Variants in COL9A2 observed in about 807,000 individuals in gnomAD.
COL9A2 encodes the protein collagen alpha-2(IX) chain.
COL9A2 carries 66 observed loss-of-function variants against 111.6 expected under a neutral mutation model. The ratio of observed to expected loss-of-function variants is 0.59; its 90% confidence interval spans 0.48 to 0.73. The LOEUF (loss-of-function observed/expected upper bound fraction) is 0.73. Among genes scored for constraint, COL9A2 ranks in the 30% least tolerant of loss-of-function variants. The pLI, the probability that COL9A2 is intolerant of heterozygous loss-of-function variation, is 0.00. For missense variants in COL9A2, 881 were observed against 954.1 expected (o/e 0.92, Z 1.01); for synonymous variants, 353 against 364.1 (o/e 0.97, Z 0.35).
At position 40,314,320 on chromosome 1, in the gene COL9A2, G is replaced by A; in HGVS notation, c.186+32C>T. On this transcript the variant is annotated intron_variant, in intron 3 of 31. Coordinates refer to ENST00000372748, the MANE Select transcript of COL9A2 (RefSeq NM_001852.4). This position sits in a 1 kb window ranked among gnomAD's most constrained non-coding sequence, Gnocchi z 4.1. ...AGCCAGAGGAGGGCAAGAGCAGGAAGGGTCAAAGGCCAAAGAGGATAAAGC... is the reference window on the plus strand; with the variant it reads ...AGCCAGAGGAGGGCAAGAGCAGGAAAGGTCAAAGGCCAAAGAGGATAAAGC... 1.2e-6 allele frequency: 2 copies of A among 1,614,242 alleles called. No individual in the cohort carries two copies. The highest frequency in any genetic ancestry group is 1.3e-5 in the African/African-American group (1 of 75,054).
Position 40,312,084 on chromosome 1 carries a change from C to G in COL9A2, c.392G>C (p.Gly131Ala). The G allele has an allele frequency of 6.2e-7, 1 of 1,602,256 alleles. No individual in the cohort carries two copies. The highest frequency in any genetic ancestry group is 8.5e-7 in the Non-Finnish European group (1 of 1,176,070). ...CTTGGGGCCTCGGATTCCAATCTCA[C>G]CAGGGAGGCCAACAGGTCCAGGAGG... ...PGPPGPVGLPGEIGIRGPKGD... is the reference protein window; with the variant it reads ...PGPPGPVGLPAEIGIRGPKGD... Residue 131 changes from glycine (G) to alanine (A), a missense_variant, in exon 8 of 32, where the codon GGT becomes GCT. Transcript: ENST00000372748. This position sits in a 1 kb window ranked among gnomAD's most constrained non-coding sequence, Gnocchi z 6.0.
chr1:40,304,092 G>T lies in COL9A2; in HGVS notation c.1295C>A (p.Pro432Gln). 6.4e-7 allele frequency: 1 copy of T among 1,565,172 alleles called. No homozygotes were observed. The highest frequency in any genetic ancestry group is 2.3e-5 in the East Asian group (1 of 42,908). Residue 432 changes from proline (P) to glutamine (Q), a missense_variant, in exon 25 of 32, where the codon CCA (proline) becomes CAA (glutamine). Transcript: ENST00000372748. The part of the protein sequence containing the change: ...LPGVKGDKGS[P>Q]GKTGPRGKVG... Reference sequence around the variant, plus strand: ...TTTGCCGCGGGGCCCGGTCTTCCCTGGGGAGCCCTGGAGAAAGCGGGCAGT... The same window carrying T: ...TTTGCCGCGGGGCCCGGTCTTCCCTTGGGAGCCCTGGAGAAAGCGGGCAGT...
intron 2 of COL9A2, chr1:40,315,143 C>T: frequency 1.1e-6 from 1 of 869,816 alleles, no homozygotes; most frequent in Non-Finnish European, 1.4e-6. Flanking sequence ...GGGAACAAGC[C>T]CAGCTGATTC....
Position 40,312,000 on chromosome 1 carries a change from G to A in COL9A2, c.417+59C>T. 1 of 1,532,936 alleles carries A rather than the reference G, an allele frequency of 6.5e-7. No individual in the cohort carries two copies. The highest frequency in any genetic ancestry group is 8.9e-7 in the Non-Finnish European group (1 of 1,122,272). The allele number at this position is 1,532,936 out of a possible 1,614,324, so 95.0% of individuals were successfully genotyped here. A position where few individuals can be genotyped will look rare whatever the true frequency, so the allele number is the denominator to read the frequency against. On this transcript the variant is annotated intron_variant, in intron 8 of 31. Transcript: ENST00000372748. This position sits in a 1 kb window ranked among gnomAD's most constrained non-coding sequence, Gnocchi z 5.1. ...CAGGAACTTCCAGAAAGACCACCCA[G>A]CTTGCCAGCTTGGAGATAGAAGGCA...
intron 4 of COL9A2, among the ~76,000 whole-genome samples, chr1:40,313,245 T>A (rs1644160577): frequency 6.6e-6 from 1 of 152,138 alleles, no homozygotes; most frequent in Non-Finnish European, 1.5e-5. Flanking sequence ...CTCAGCTCAC[T>A]GCAACCCCCG....
At position 40,312,134 on chromosome 1, in the gene COL9A2, G is replaced by A. The variant is rs769607970; in HGVS notation, c.364-22C>T. 7 of 1,593,602 alleles carry A rather than the reference G, an allele frequency of 4.4e-6. No individual in the cohort carries two copies. The highest frequency in any genetic ancestry group is 5.1e-6 in the Non-Finnish European group (6 of 1,170,720). The stretch of plus-strand genomic sequence containing the variant: ...GCCCCTGGGGAGCAGAGAGTTGATG[G>A]TCAGGATGCCTCAGAGGGTCAGATA... On this transcript the variant is annotated intron_variant, in intron 7 of 31. Transcript: ENST00000372748. This position sits in a 1 kb window ranked among gnomAD's most constrained non-coding sequence, Gnocchi z 6.0.
intron 21 of COL9A2, 107 bp from the exon 22 acceptor site, chr1:40,304,954 G>A (rs1644001141): frequency 1.0e-6 from 1 of 955,770 alleles, no homozygotes; most frequent in Non-Finnish European, 1.6e-6. Context: ...TGCTTCATCA[G>A]GGAAGGTTTC....
In COL9A2 at chr1:40,312,729, A is replaced by C. The variant is rs764175791; in HGVS notation, c.303+2T>G. 13 of 1,555,850 alleles carry C rather than the reference A, an allele frequency of 8.4e-6. No individual in the cohort carries two copies. The highest frequency in any genetic ancestry group is 1.0e-5 in the Non-Finnish European group (12 of 1,149,002). ...ACGCTGAGGCCCCAGCAGGCCCCTT[A>C]CCTTGACTCCAGGGATCCCCATGGG... is the stretch of plus-strand genomic sequence containing the variant. On this transcript the variant is annotated splice_donor_variant, in intron 5 of 31. Coordinates refer to ENST00000372748, the MANE Select transcript of COL9A2 (RefSeq NM_001852.4). LOFTEE classifies it high-confidence loss of function. This position sits in a 1 kb window ranked among gnomAD's most constrained non-coding sequence, Gnocchi z 6.0.
Position 40,303,598 on chromosome 1 carries a change from G to T in COL9A2, c.1480C>A (p.Pro494Thr), listed in dbSNP as rs202143849. The change falls in exon 28 of 32, where the codon CCC becomes ACC. Residue 494 changes from proline (P) to threonine (T), a missense_variant. Physicochemically the swap from Pro to Thr is conservative, Grantham distance 38. Transcript: ENST00000372748. The surrounding 1 kb of genome is among the most constrained non-coding windows in gnomAD (Gnocchi z 4.6). ...GAPGVQGYPGPPGPRGLAGNR... is the reference protein window; with the variant it reads ...GAPGVQGYPGTPGPRGLAGNR... ...CCGGCCAGTCCTCGAGGGCCGGGGG[G>T]ACCAGGGTAGCCCTGAACCCCTGGG... 3.7e-6 allele frequency: 6 copies of T among 1,607,210 alleles called. No individual in the cohort carries two copies. Among genetic ancestry groups the T allele is most frequent in the Non-Finnish European group, 4.2e-6 (5 of 1,177,680 alleles).
chr1:40,309,407 G>T (rs1465445655), intron 16 of COL9A2, among the ~76,000 whole-genome samples: 1 of 149,164 alleles, frequency 6.7e-6, no homozygotes, highest in East Asian at 1.9e-4. Context: ...ACTTAAAACC[G>T]CTTCCCCCAA....
chr1:40,314,061 C>T lies in COL9A2; in HGVS notation c.249+144G>A. The T allele has an allele frequency of 1.1e-6, 1 of 931,914 alleles. No individual in the cohort carries two copies. The highest frequency in any genetic ancestry group is 1.8e-6 in the Non-Finnish European group (1 of 565,486). 57.7% of individuals were successfully genotyped at this position (931,914 alleles called of 1,614,324 possible). On this transcript the variant is annotated intron_variant, in intron 4 of 31. Coordinates refer to ENST00000372748, the MANE Select transcript of COL9A2 (RefSeq NM_001852.4). This position sits in a 1 kb window ranked among gnomAD's most constrained non-coding sequence, Gnocchi z 4.1. The stretch of plus-strand genomic sequence containing the variant: ...GTGAGGTTCCAGGAAGGTCACAAGT[C>T]ATATCAAGGTGAGGGGGGCTCACAG...
At position 40,307,724 on chromosome 1, in the gene COL9A2, G is replaced by T. The variant is rs757772360; in HGVS notation, c.933C>A (p.Thr311=). The change falls in exon 18 of 32, where the codon ACC becomes ACA. Residue 311 remains threonine (T), a synonymous_variant. Transcript: ENST00000372748. The surrounding 1 kb of genome is among the most constrained non-coding windows in gnomAD (Gnocchi z 4.8). ...GPPGINGKDG[T]PGTPGMKGSA... is the part of the protein sequence containing the mutation. Reference sequence around the variant, plus strand: ...CTACCTTCATGCCAGGCGTGCCTGGGGTCCCATCCTTGCCGTTGATGCCTG... The same window carrying T: ...CTACCTTCATGCCAGGCGTGCCTGGTGTCCCATCCTTGCCGTTGATGCCTG... 1.2e-6 allele frequency: 2 copies of T among 1,614,170 alleles called. No homozygotes were observed. The highest frequency in any genetic ancestry group is 2.7e-5 in the African/African-American group (2 of 75,040).
Position 40,307,857 on chromosome 1 carries a change from G to T in COL9A2, c.901-101C>A. On this transcript the variant is annotated intron_variant, in intron 17 of 31. Coordinates refer to ENST00000372748, the MANE Select transcript of COL9A2 (RefSeq NM_001852.4). The surrounding 1 kb of genome is among the most constrained non-coding windows in gnomAD (Gnocchi z 4.8). ...TGAGACAGCTGCAGTGTGCAGGGAG[G>T]GAGTGGCTCTGGTCATCCCAGGAAG... The T allele has an allele frequency of 1.5e-6, 2 of 1,310,778 alleles. No homozygotes were observed. The highest frequency in any genetic ancestry group is 1.2e-5 in the South Asian group (1 of 81,362). The allele number at this position is 1,310,778 out of a possible 1,614,324, so 81.2% of individuals were successfully genotyped here.
chr1:40,306,164 T>C lies in COL9A2; in HGVS notation c.1032A>G (p.Thr344=). Residue 344 remains threonine, a synonymous_variant, in exon 20 of 32, where the codon ACA becomes ACG. Transcript: ENST00000372748. The part of the protein sequence containing the change: ...GLAGVPGQPG[T]KGGPGDQGEP... The stretch of plus-strand genomic sequence containing the variant: ...TCACCTGGTCTCCAGGGCCTCCTTT[T>C]GTCCCAGGCTGGCCTGGCACACCCT... The C allele has an allele frequency of 6.2e-7, 1 of 1,614,136 alleles. No homozygotes were observed. Among genetic ancestry groups the C allele is most frequent in the South Asian group, 1.1e-5 (1 of 91,088 alleles).
At chr1:40,305,613 A>G (rs1569720868) in intron 21 of COL9A2, 102 bp downstream of exon 21, 2 of 1,081,038 alleles carry the variant, frequency 1.9e-6, no homozygotes, top group East Asian at 4.7e-5. Flanking sequence ...TCATTGGGTC[A>G]GGGCAGAGCC....
Position 40,301,013 on chromosome 1 carries a change from C to A in COL9A2, c.*169G>T. The A allele has an allele frequency of 1.4e-6, 1 of 698,142 alleles. No homozygotes were observed. Among genetic ancestry groups the A allele is most frequent in the Non-Finnish European group, 2.4e-6 (1 of 410,522 alleles). The allele number at this position is 698,142 out of a possible 1,614,324, so 43.2% of individuals were successfully genotyped here. ...CACTTTTTCACCCATCAGTGCTCTACCTCCCCTTCCCCCATGTTTTAGAAT... is the reference window on the plus strand; with the variant it reads ...CACTTTTTCACCCATCAGTGCTCTAACTCCCCTTCCCCCATGTTTTAGAAT... On this transcript the variant is annotated 3_prime_UTR_variant, in exon 32 of 32. Coordinates refer to ENST00000372748, the MANE Select transcript of COL9A2 (RefSeq NM_001852.4).
At chr1:40,305,057 C>CTTTTTT (rs1644002903) in intron 21 of COL9A2, 1 of 277,734 alleles carries the variant, frequency 3.6e-6, no homozygotes, top group African/African-American at 2.6e-5. Flanking sequence ...TCATTTCTTT[C>CTTTTTT]TTTCTTTTTT....
At position 40,312,181 on chromosome 1, in the gene COL9A2, C is replaced by G; in HGVS notation, c.364-69G>C. The G allele has an allele frequency of 7.4e-7, 1 of 1,349,972 alleles. No homozygotes were observed. Among genetic ancestry groups the G allele is most frequent in the Non-Finnish European group, 1.0e-6 (1 of 961,598 alleles). The allele number at this position is 1,349,972 out of a possible 1,614,324, so 83.6% of individuals were successfully genotyped here. On this transcript the variant is annotated intron_variant, in intron 7 of 31. Transcript: ENST00000372748. This position sits in a 1 kb window ranked among gnomAD's most constrained non-coding sequence, Gnocchi z 6.0. Reference sequence around the variant, plus strand: ...GATACCCTGGGCACAAAGGTAGAGACAGGCACCCAAAGCCCGTTTCTCCAC... The same window carrying G: ...GATACCCTGGGCACAAAGGTAGAGAGAGGCACCCAAAGCCCGTTTCTCCAC...
chr1:40,314,463 G>C lies in COL9A2; in HGVS notation c.151-76C>G. 1 of 1,580,304 alleles carries C rather than the reference G, an allele frequency of 6.3e-7. No individual in the cohort carries two copies. Among genetic ancestry groups the C allele is most frequent in the African/African-American group, 1.3e-5 (1 of 74,342 alleles). On this transcript the variant is annotated intron_variant, in intron 2 of 31. Coordinates refer to ENST00000372748, the MANE Select transcript of COL9A2 (RefSeq NM_001852.4). The surrounding 1 kb of genome is among the most constrained non-coding windows in gnomAD (Gnocchi z 4.1). ...AGTGGGCACACACAGGCCCTGGCAG[G>C]CCGCTCCCAAAGGCTCTCCTCACTC... is the stretch of plus-strand genomic sequence containing the variant.
Sources: allele counts gnomAD v4.1 joint callset (sites outside exome capture counted in the v4.1 genomes callset), GRCh38; gene constraint gnomAD v4.1.1; non-coding constraint Gnocchi (gnomAD v3.1); transcripts MANE v1.5; gene names NCBI Gene and HGNC (gene_info 2026-07-23, HGNC 2026-07-21).